Variants in DNAAF6 observed in about 807,000 individuals in gnomAD.
DNAAF6 encodes the protein dynein axonemal assembly factor 6.
A neutral mutation model predicts 13.7 loss-of-function variants in DNAAF6; 3 were observed. The ratio of observed to expected loss-of-function variants is 0.22; its 90% CI spans 0.10 to 0.56. The LOEUF (loss-of-function observed/expected upper bound fraction) is 0.56, where lower values mean the gene tolerates loss of function less well. DNAAF6 is among the 20% of genes least tolerant of loss of function. DNAAF6 has a pLI of 0.92. For synonymous variants in DNAAF6, 54 were observed against 49.2 expected (o/e 1.10, Z -0.41); for missense variants, 130 against 151.0 (o/e 0.86, Z 0.73).
In DNAAF6 at chrX:107,243,058, G is replaced by T. The variant is rs1213521535; in HGVS notation, c.516-111G>T. ...CAATATTTACACTATCTAAATATTGGGGGGGGGTTGTTTTCTAACACTCTA... is the reference window on the plus strand; with the variant it reads ...CAATATTTACACTATCTAAATATTGTGGGGGGGTTGTTTTCTAACACTCTA... On this transcript the variant is annotated intron_variant, in intron 6 of 6. Coordinates refer to ENST00000372453, the MANE Select transcript of DNAAF6 (RefSeq NM_173494.2). 4.9e-6 allele frequency: 4 copies of T among 815,849 alleles called. No homozygotes were observed. The African/African-American group carries it at 6.4e-5, about 13-fold the overall frequency. 67.2% of individuals were successfully genotyped at this position (815,849 alleles called of 1,213,427 possible). A position where few individuals can be genotyped will look rare whatever the true frequency, so the allele number is the denominator to read the frequency against.
chrX:107,224,210 C>G (rs189339118), intron 5 of DNAAF6, among the ~76,000 whole-genome samples: 38 of 111,027 alleles, frequency 3.4e-4, no homozygotes, highest in Admixed American at 3.1e-3. Context: ...ATAAATGAAC[C>G]AATTTTATTA....
At chrX:107,211,878 G>C (rs1927864879) in intron 1 of DNAAF6, among the ~76,000 whole-genome samples, 1 of 111,632 alleles carries the variant, frequency 9.0e-6, no homozygotes. Flanking sequence ...TTTTCTTGGT[G>C]ATACATATGA....
chrX:107,214,039 T>C (rs1927920300), intron 2 of DNAAF6, among the ~76,000 whole-genome samples: 1 of 111,193 alleles, frequency 9.0e-6, no homozygotes, highest in Admixed American at 9.6e-5. Context: ...AGGAAGAGCT[T>C]AGGTGGAATA....
At chrX:107,206,945 GGATGCTGATC>G (rs1329464917) in intron 1 of DNAAF6, among the ~76,000 whole-genome samples, 1 of 111,790 alleles carries the variant, frequency 8.9e-6, no homozygotes, top group Non-Finnish European at 1.9e-5. Context: ...AGTGAAAGAT[GGATGCTGATC>G]GACTGTCAGA....
chrX:107,209,449 C>T (rs922703076), intron 1 of DNAAF6, among the ~76,000 whole-genome samples: 18 of 110,760 alleles, frequency 1.6e-4, no homozygotes, highest in Middle Eastern at 4.6e-3. Flanking sequence ...TTTTGGGGGG[C>T]AGGGAATTGA....
At chrX:107,212,029 C>T (rs778314786) in intron 1 of DNAAF6, among the ~76,000 whole-genome samples, 1 of 111,723 alleles carries the variant, frequency 9.0e-6, no homozygotes, top group Admixed American at 9.5e-5. Context: ...TGGTATTAAT[C>T]AACTGCTGAC....
chrX:107,223,626 T>C (rs994259670), intron 5 of DNAAF6, among the ~76,000 whole-genome samples: 6 of 111,772 alleles, frequency 5.4e-5, no homozygotes, highest in Non-Finnish European at 1.1e-4. Flanking sequence ...CTTCTATTTT[T>C]TTTCCTCCTT....
At chrX:107,233,668 A>G (rs762032304) in intron 5 of DNAAF6, among the ~76,000 whole-genome samples, 1 of 110,325 alleles carries the variant, frequency 9.1e-6, no homozygotes, top group Non-Finnish European at 1.9e-5. Context: ...GGACAGGCCC[A>G]GTGTTATAAA....
chrX:107,225,136 G>A (rs781118368), intron 5 of DNAAF6, among the ~76,000 whole-genome samples: 5 of 108,808 alleles, frequency 4.6e-5, no homozygotes, highest in East Asian at 3.0e-4. Flanking sequence ...AGTAAGTGTC[G>A]GTAATAATGG....
intron 1 of DNAAF6, among the ~76,000 whole-genome samples, chrX:107,212,347 T>C (rs1927875086): frequency 9.0e-6 from 1 of 110,503 alleles, no homozygotes; most frequent in Non-Finnish European, 1.9e-5. Context: ...TGAACCTTCA[T>C]CTCTAGTAGT....
At chrX:107,239,345 AC>A (rs2147838628) in intron 6 of DNAAF6, among the ~76,000 whole-genome samples, 1 of 112,096 alleles carries the variant, frequency 8.9e-6, no homozygotes, top group East Asian at 2.8e-4. Flanking sequence ...TACATTGATT[AC>A]ATAAGGGAAG....
chrX:107,238,497 A>C (rs1928565474), intron 5 of DNAAF6, among the ~76,000 whole-genome samples: 1 of 111,916 alleles, frequency 8.9e-6, no homozygotes, highest in Non-Finnish European at 1.9e-5. Flanking sequence ...TTATGCCAGA[A>C]GACTATTAGA....
At chrX:107,238,639 C>T (rs1214273829) in intron 5 of DNAAF6, among the ~76,000 whole-genome samples, 3 of 111,932 alleles carry the variant, frequency 2.7e-5, no homozygotes, top group Non-Finnish European at 5.6e-5. Flanking sequence ...ATGAAGGTTA[C>T]AGTCAAGTAA....
At chrX:107,222,974 G>A in intron 5 of DNAAF6, 133 bp downstream of exon 5, 1 of 796,938 alleles carries the variant, frequency 1.3e-6, no homozygotes, top group Non-Finnish European at 1.7e-6. Context: ...CACGTACTAG[G>A]GTAACAATGG....
Position 107,212,886 on chromosome X carries a change from A to C in DNAAF6, c.11A>C (p.Glu4Ala). Residue 4 changes from glutamate to alanine, a missense_variant, in exon 2 of 7, where the codon GAA becomes GCA. Transcript: ENST00000372453. Reference sequence around the variant, plus strand: ...CTTTTTCTTCAGATAATGGAATCTGAAAATATGGATTCTGAAAATATGAAG... The same window carrying C: ...CTTTTTCTTCAGATAATGGAATCTGCAAATATGGATTCTGAAAATATGAAG... MES[E>A]NMDSENMKTE... 1 of 1,188,373 alleles carries C rather than the reference A, an allele frequency of 8.4e-7. No individual in the cohort carries two copies. Among genetic ancestry groups the C allele is most frequent in the Non-Finnish European group, 1.1e-6 (1 of 885,594 alleles).
chrX:107,211,051 A>G (rs992314064), intron 1 of DNAAF6, among the ~76,000 whole-genome samples: 1 of 111,879 alleles, frequency 8.9e-6, no homozygotes, highest in African/African-American at 3.2e-5. Context: ...TAGTTCCTAA[A>G]AAGTCCTCCT....
intron 5 of DNAAF6, among the ~76,000 whole-genome samples, chrX:107,228,039 G>C (rs1254984135): frequency 9.0e-6 from 1 of 111,592 alleles, no homozygotes; most frequent in African/African-American, 3.3e-5. Context: ...TGGAATCCTT[G>C]AGCTGGACCT....
At chrX:107,227,169 A>G (rs768435214) in intron 5 of DNAAF6, among the ~76,000 whole-genome samples, 11 of 111,314 alleles carry the variant, frequency 9.9e-5, no homozygotes, top group Non-Finnish European at 2.1e-4. Flanking sequence ...TCAACTCACT[A>G]TAGCCTCGGC....
At chrX:107,213,908 C>T (rs1389777131) in intron 2 of DNAAF6, among the ~76,000 whole-genome samples, 2 of 111,542 alleles carry the variant, frequency 1.8e-5, no homozygotes, top group Admixed American at 9.6e-5. Context: ...CTTTCACAAA[C>T]GTACATATCA....
Sources: allele counts gnomAD v4.1 joint callset (sites outside exome capture counted in the v4.1 genomes callset), GRCh38; gene constraint gnomAD v4.1.1; transcripts MANE v1.5; gene names NCBI Gene and HGNC (gene_info 2026-07-23, HGNC 2026-07-21).